The following HHAT variants were observed in gnomAD, a reference collection of about 807,000 sequenced individuals.
HHAT encodes protein-cysteine N-palmitoyltransferase HHAT.
HHAT carries 47 observed loss-of-function variants against 70.8 expected under a neutral mutation model. That is an observed-to-expected ratio of 0.66 (90% CI 0.53 to 0.85). The LOEUF (loss-of-function observed/expected upper bound fraction) is 0.85. Ranked by LOEUF, HHAT falls within the 40% of genes least tolerant of loss-of-function variation. The probability of loss-of-function intolerance (pLI) is 0.00; values close to 1 mark genes in which losing one functional copy is unlikely to be tolerated. For synonymous variants in HHAT, 228 were observed against 247.6 expected (o/e 0.92, Z 0.74); for missense variants, 609 against 604.8 (o/e 1.01, Z -0.07).
intron 10 of HHAT, among the ~76,000 whole-genome samples, chr1:210,593,424 A>C (rs956761940): frequency 1.3e-5 from 2 of 152,078 alleles, no homozygotes; most frequent in African/African-American, 4.8e-5. Flanking sequence ...TAAGTTCTTC[A>C]TTGACCCTCT....
intron 9 of HHAT, among the ~76,000 whole-genome samples, chr1:210,565,057 C>T (rs894943345): frequency 6.6e-6 from 1 of 152,096 alleles, no homozygotes; most frequent in Non-Finnish European, 1.5e-5. Context: ...GATAGAGATA[C>T]TGGAGATGGG....
At chr1:210,571,237 T>C (rs1413063988) in intron 9 of HHAT, among the ~76,000 whole-genome samples, 2 of 152,182 alleles carry the variant, frequency 1.3e-5, no homozygotes, top group African/African-American at 4.8e-5. Flanking sequence ...CTAATGATGT[T>C]GGAGACCCAG....
intron 4 of HHAT, among the ~76,000 whole-genome samples, chr1:210,388,397 A>T (rs1369401322): frequency 6.6e-6 from 1 of 152,216 alleles, no homozygotes; most frequent in African/African-American, 2.4e-5. Context: ...AGAAAGTGAG[A>T]TGCAGAAATA....
At chr1:210,392,078 A>T (rs1416710409) in intron 4 of HHAT, among the ~76,000 whole-genome samples, 1 of 152,190 alleles carries the variant, frequency 6.6e-6, no homozygotes, top group Non-Finnish European at 1.5e-5. Flanking sequence ...TGTATTGCCC[A>T]GACTGGTCTT....
intron 8 of HHAT, among the ~76,000 whole-genome samples, chr1:210,492,208 A>T (rs2094563317): frequency 6.6e-6 from 1 of 151,900 alleles, no homozygotes; most frequent in African/African-American, 2.4e-5. Context: ...AGACTCTTTT[A>T]CTCTGAACAG....
At chr1:210,472,681 A>G (rs893955512) in intron 8 of HHAT, among the ~76,000 whole-genome samples, 3 of 152,226 alleles carry the variant, frequency 2.0e-5, no homozygotes, top group Non-Finnish European at 4.4e-5. Flanking sequence ...ATGAATGACC[A>G]ACACCCAAGA....
At chr1:210,561,773 C>T (rs1305440232) in intron 9 of HHAT, among the ~76,000 whole-genome samples, 1 of 152,218 alleles carries the variant, frequency 6.6e-6, no homozygotes, top group Non-Finnish European at 1.5e-5. Flanking sequence ...ACGTACTTAT[C>T]ATTTTTTTGT....
chr1:210,650,356 T>C (rs1674884001), intron 11 of HHAT, among the ~76,000 whole-genome samples: 1 of 152,202 alleles, frequency 6.6e-6, no homozygotes, highest in South Asian at 2.1e-4. Context: ...TTTCTGTGGC[T>C]GGGAGTTCTG....
chr1:210,455,689 T>A (rs1056192564), intron 7 of HHAT, among the ~76,000 whole-genome samples: 4 of 152,104 alleles, frequency 2.6e-5, no homozygotes, highest in Non-Finnish European at 5.9e-5. Context: ...TAATAGTAGT[T>A]CTCACCACAG....
chr1:210,426,761 T>A (rs2093075129), intron 7 of HHAT, among the ~76,000 whole-genome samples: 1 of 152,210 alleles, frequency 6.6e-6, no homozygotes, highest in Non-Finnish European at 1.5e-5. Flanking sequence ...TTGTTGAGTA[T>A]TTTTGCATTG....
chr1:210,459,321 C>T (rs971083522), intron 7 of HHAT, among the ~76,000 whole-genome samples: 8 of 152,152 alleles, frequency 5.3e-5, no homozygotes, highest in Non-Finnish European at 1.2e-4. Flanking sequence ...TGATACAGTT[C>T]GTCTTCCTAC....
rs759676083 is a variant in HHAT, at chr1:210,588,018, G to A, written c.1164G>A (p.Trp388Ter). Residue 388 changes from tryptophan (W) to a stop codon, truncating the protein, a stop_gained, in exon 10 of 12, where the codon TGG (tryptophan) becomes TGA (stop). Coordinates refer to ENST00000261458, the MANE Select transcript of HHAT (RefSeq NM_018194.6). LOFTEE classifies it high-confidence loss of function. ...WHGGYDYLWC[W>*]AALNWLGVTV... ...GCGGCTACGACTACCTCTGGTGCTG[G>A]GCAGCGCTCAACTGGCTGGGAGTCA... 6.2e-7 allele frequency: 1 copy of A among 1,613,900 alleles called. No homozygotes were observed. Among genetic ancestry groups the A allele is most frequent in the African/African-American group, 1.3e-5 (1 of 74,916 alleles).
At chr1:210,473,697 T>G (rs922713702) in intron 8 of HHAT, among the ~76,000 whole-genome samples, 1 of 152,196 alleles carries the variant, frequency 6.6e-6, no homozygotes, top group Non-Finnish European at 1.5e-5. Flanking sequence ...CCTGCCATTG[T>G]CTCCTCCTGC....
intron 11 of HHAT, among the ~76,000 whole-genome samples, chr1:210,634,338 TC>T (rs1166036951): frequency 1.3e-5 from 2 of 152,190 alleles, no homozygotes; most frequent in African/African-American, 4.8e-5. Flanking sequence ...TTTCCGTTTT[TC>T]CCCATTGTTT....
intron 9 of HHAT, among the ~76,000 whole-genome samples, chr1:210,569,372 T>TAAAAAAAAAAAAAAAAA (rs1655607949): frequency 2.0e-4 from 1 of 5,068 alleles, no homozygotes; most frequent in Admixed American, 2.5e-3. Flanking sequence ...AGAGTCTGCC[T>TAAAAAAAAAAAAAAAAA]CAAAAAAAAA....
At chr1:210,557,178 A>G (rs6659137) in intron 9 of HHAT, among the ~76,000 whole-genome samples, 26,258 of 152,258 alleles carry the variant, frequency 0.17, 2,804 homozygotes, top group Middle Eastern at 0.26. Flanking sequence ...AATGAATGAA[A>G]TGCATTAAGG....
chr1:210,453,464 T>C (rs1250313988), intron 7 of HHAT, among the ~76,000 whole-genome samples: 1 of 152,282 alleles, frequency 6.6e-6, no homozygotes, highest in East Asian at 1.9e-4. Context: ...TATAAATATA[T>C]ACTGAAATGT....
At chr1:210,613,657 T>A (rs2148849172) in intron 10 of HHAT, among the ~76,000 whole-genome samples, 1 of 152,318 alleles carries the variant, frequency 6.6e-6, no homozygotes, top group Non-Finnish European at 1.5e-5. Context: ...CCAAAGAATG[T>A]CATTGGGATT....
rs1440804476 is a variant in HHAT, at chr1:210,329,066, G to A, written c.-82G>A. 1.4e-6 allele frequency: 2 copies of A among 1,430,068 alleles called. No individual in the cohort carries two copies. The highest frequency in any genetic ancestry group is 9.2e-7 in the Non-Finnish European group (1 of 1,091,824). The allele number at this position is 1,430,068 out of a possible 1,614,324, so 88.6% of individuals were successfully genotyped here. ...GGGGTGTTGGGAACTCGCGGCGCGC[G>A]TGAACGTTGCCGTCGCCGCCGCCCG... On this transcript the variant is annotated 5_prime_UTR_variant, in exon 1 of 12. In the 5' UTR this introduces an upstream ATG that the reference lacks. Transcript: ENST00000261458.
Sources: allele counts gnomAD v4.1 joint callset (sites outside exome capture counted in the v4.1 genomes callset), GRCh38; gene constraint gnomAD v4.1.1; transcripts MANE v1.5; gene names NCBI Gene and HGNC (gene_info 2026-07-23, HGNC 2026-07-21).